The following TMED1 variants were observed in gnomAD, a reference collection of about 807,000 sequenced individuals.
The protein encoded by TMED1 is transmembrane emp24 domain-containing protein 1.
In TMED1, 20 loss-of-function variants were observed where a neutral mutation model predicts 21.2. That is an observed-to-expected ratio of 0.95 (90% CI 0.67 to 1.37). TMED1 has a LOEUF of 1.37. TMED1 is among the 40% of genes most tolerant of loss of function. The pLI, the probability that TMED1 is intolerant of heterozygous loss-of-function variation, is 0.00. For synonymous variants in TMED1, 149 were observed against 134.7 expected (o/e 1.11, Z -0.74); for missense variants, 316 against 309.8 (o/e 1.02, Z -0.15).
rs1013020800 is a variant in TMED1, at chr19:10,832,773, G to A, written c.*222C>T. The A allele has an allele frequency of 2.6e-5, 16 of 609,478 alleles. No homozygotes were observed. Among genetic ancestry groups the A allele is most frequent in the Non-Finnish European group, 4.3e-5 (15 of 345,826 alleles). The allele number at this position is 609,478 out of a possible 1,614,324, so 37.8% of individuals were successfully genotyped here. A position where few individuals can be genotyped will look rare whatever the true frequency, so the allele number is the denominator to read the frequency against. ...CAACGCTGCAGTGCCCACCATGTGA[G>A]ATTTCCAGGACCGTCGGTGCAGCCA... On this transcript the variant is annotated 3_prime_UTR_variant, in exon 4 of 4. Coordinates refer to ENST00000214869, the MANE Select transcript of TMED1 (RefSeq NM_006858.4).
In TMED1 at chr19:10,835,030, C is replaced by G; in HGVS notation, c.369G>C (p.Leu123=). 1 of 1,614,214 alleles carries G rather than the reference C, an allele frequency of 6.2e-7. No homozygotes were observed. The highest frequency in any genetic ancestry group is 8.5e-7 in the Non-Finnish European group (1 of 1,180,028). ...CGTCATCCTGGAGGCTGTCAAAGAT[C>G]AGTTCAAAGAACACCAGCTTCTCGG... ...TISEKLVFFE[L]IFDSLQDDEE... Residue 123 remains leucine (L), a synonymous_variant, in exon 3 of 4, where the codon CTG becomes CTC. Coordinates refer to ENST00000214869, the MANE Select transcript of TMED1 (RefSeq NM_006858.4).
Position 10,832,500 on chromosome 19 carries a change from G to A in TMED1, c.*495C>T, listed in dbSNP as rs2073370340. Reference sequence around the variant, plus strand: ...GGCCACACCACCCTTTGTTATAGGAGGCTTCTGCCTAGACTTTGGCCGGGC... The same window carrying A: ...GGCCACACCACCCTTTGTTATAGGAAGCTTCTGCCTAGACTTTGGCCGGGC... On this transcript the variant is annotated 3_prime_UTR_variant, in exon 4 of 4. Coordinates refer to ENST00000214869, the MANE Select transcript of TMED1 (RefSeq NM_006858.4). The A allele has an allele frequency of 6.5e-5, 44 of 671,876 alleles. 1 individual carries two copies. The South Asian group carries it at 7.2e-4, about 11-fold the overall frequency. The allele number at this position is 671,876 out of a possible 1,614,324, so 41.6% of individuals were successfully genotyped here. A position where few individuals can be genotyped will look rare whatever the true frequency, so the allele number is the denominator to read the frequency against.
chr19:10,835,681 G>A (rs1435123373), intron 1 of TMED1: 3 of 1,399,096 alleles, frequency 2.1e-6, no homozygotes, highest in Non-Finnish European at 2.8e-6. Flanking sequence ...CCCGAGAAAG[G>A]CCTGTGTGGG....
rs1320051326 is a variant in TMED1, at chr19:10,832,297, G to A, written c.*698C>T. On this transcript the variant is annotated 3_prime_UTR_variant, in exon 4 of 4. Transcript: ENST00000214869. ...AACTTTGCTTTCTGATTTTTCTCTT[G>A]TGCCAGGCGACCACCTCCATCGGCT... 3.1e-6 allele frequency: 4 copies of A among 1,289,662 alleles called. No individual in the cohort carries two copies. The highest frequency in any genetic ancestry group is 5.6e-5 in the East Asian group (1 of 18,008). 79.9% of individuals were successfully genotyped at this position (1,289,662 alleles called of 1,614,324 possible). A position where few individuals can be genotyped will look rare whatever the true frequency, so the allele number is the denominator to read the frequency against.
In TMED1 at chr19:10,832,508, C is replaced by T. The variant is rs2073370433; in HGVS notation, c.*487G>A. On this transcript the variant is annotated 3_prime_UTR_variant, in exon 4 of 4. Transcript: ENST00000214869. Reference sequence around the variant, plus strand: ...CACCCTTTGTTATAGGAGGCTTCTGCCTAGACTTTGGCCGGGCCATCCCTC... The same window carrying T: ...CACCCTTTGTTATAGGAGGCTTCTGTCTAGACTTTGGCCGGGCCATCCCTC... The T allele has an allele frequency of 3.1e-6, 2 of 638,304 alleles. No homozygotes were observed. The highest frequency in any genetic ancestry group is 3.6e-5 in the South Asian group (2 of 55,482). 39.5% of individuals were successfully genotyped at this position (638,304 alleles called of 1,614,324 possible).
intron 1 of TMED1, 63 bp from the exon 2 acceptor site, chr19:10,835,416 G>A (rs955067252): frequency 6.3e-6 from 10 of 1,598,094 alleles, no homozygotes; most frequent in Non-Finnish European, 8.5e-6. Flanking sequence ...GCCGAAGAGG[G>A]CTACGGCTGA....
At chr19:10,834,153 T>G (rs1189280377) in intron 3 of TMED1, among the ~76,000 whole-genome samples, 9 of 152,142 alleles carry the variant, frequency 5.9e-5, no homozygotes, top group African/African-American at 1.9e-4. Flanking sequence ...AAGAGAGATC[T>G]GTTAGAAAAT....
intron 3 of TMED1, among the ~76,000 whole-genome samples, chr19:10,834,436 A>T (rs891644700): frequency 2.3e-4 from 34 of 149,620 alleles, no homozygotes; most frequent in African/African-American, 7.9e-4. Flanking sequence ...ACCAGGGTTT[A>T]TACCTAGAAA....
chr19:10,833,006 C>G lies in TMED1; in HGVS notation c.673G>C (p.Val225Leu). The change falls in exon 4 of 4, where the codon GTG becomes CTG. Residue 225 changes from valine (V) to leucine (L), a missense_variant. Coordinates refer to ENST00000214869, the MANE Select transcript of TMED1 (RefSeq NM_006858.4). The stretch of plus-strand genomic sequence containing the variant: ...TTCCATGGCAGGGGCTACGTGGGCA[C>G]CGGGCGCTTGTCCTGGAAGAAGCGC... The part of the protein sequence containing the change: ...LKRFFQDKRP[V>L]PT The G allele has an allele frequency of 1.2e-6, 2 of 1,612,822 alleles. No homozygotes were observed. Among genetic ancestry groups the G allele is most frequent in the Non-Finnish European group, 1.7e-6 (2 of 1,180,002 alleles).
At chr19:10,835,182 G>T in intron 2 of TMED1, 65 bp from the exon 3 acceptor site, 1 of 1,611,970 alleles carries the variant, frequency 6.2e-7, no homozygotes, top group Admixed American at 1.7e-5. Context: ...GGGGCAGTCA[G>T]GGCGGTAACC....
In TMED1 at chr19:10,832,982, T is replaced by G. The variant is rs1179769928; in HGVS notation, c.*13A>C. The G allele has an allele frequency of 2.5e-6, 4 of 1,609,874 alleles. No homozygotes were observed. The highest frequency in any genetic ancestry group is 3.4e-6 in the Non-Finnish European group (4 of 1,179,510). On this transcript the variant is annotated 3_prime_UTR_variant, in exon 4 of 4. Coordinates refer to ENST00000214869, the MANE Select transcript of TMED1 (RefSeq NM_006858.4). ...GCCCCTCCTTTGTCCCGTTCTTCCTTCCATGGCAGGGGCTACGTGGGCACC... is the reference window on the plus strand; with the variant it reads ...GCCCCTCCTTTGTCCCGTTCTTCCTGCCATGGCAGGGGCTACGTGGGCACC...
In TMED1 at chr19:10,836,002, C is replaced by CCT; in HGVS notation, c.183+5_183+6dup. 6.3e-7 allele frequency: 1 copy of CCT among 1,583,602 alleles called. No individual in the cohort carries two copies. Among genetic ancestry groups the CCT allele is most frequent in the Non-Finnish European group, 8.6e-7 (1 of 1,165,676 alleles). On this transcript the variant is annotated splice_region_variant and intron_variant, in intron 1 of 3. Coordinates refer to ENST00000214869, the MANE Select transcript of TMED1 (RefSeq NM_006858.4). ...CTCTGCTGGCCGCCCAGCCCGCGAC[C>CCT]CTCTACCTGGTATTCGGTCTCGAGG...
rs999057183 is a variant in TMED1, at chr19:10,832,790, G to T, written c.*205C>A. 2.9e-5 allele frequency: 18 copies of T among 621,382 alleles called. No homozygotes were observed. The highest frequency in any genetic ancestry group is 4.8e-5 in the Non-Finnish European group (17 of 355,856). The allele number at this position is 621,382 out of a possible 1,614,324, so 38.5% of individuals were successfully genotyped here. A position where few individuals can be genotyped will look rare whatever the true frequency, so the allele number is the denominator to read the frequency against. ...CCATGTGAGATTTCCAGGACCGTCG[G>T]TGCAGCCACTGAGCCGTCCCTTCTA... On this transcript the variant is annotated 3_prime_UTR_variant, in exon 4 of 4. Coordinates refer to ENST00000214869, the MANE Select transcript of TMED1 (RefSeq NM_006858.4).
rs1172527028 is a variant in TMED1, at chr19:10,835,356, G to T, written c.184-3C>A. 4 of 1,613,336 alleles carry T rather than the reference G, an allele frequency of 2.5e-6. No homozygotes were observed. The highest frequency in any genetic ancestry group is 3.4e-6 in the Non-Finnish European group (4 of 1,179,828). ...TCCAGTCCAGCACCTCCGATCACCT[G>T]GGGGGCAGGTAAGAGCGGGTGGAGG... is the stretch of plus-strand genomic sequence containing the variant. On this transcript the variant is annotated splice_region_variant and splice_polypyrimidine_tract_variant and intron_variant, in intron 1 of 3. Coordinates refer to ENST00000214869, the MANE Select transcript of TMED1 (RefSeq NM_006858.4).
In TMED1 at chr19:10,832,246, C is replaced by G. The variant is rs969026352; in HGVS notation, c.*749G>C. 2 of 1,279,576 alleles carry G rather than the reference C, an allele frequency of 1.6e-6. No homozygotes were observed. Among genetic ancestry groups the G allele is most frequent in the African/African-American group, 3.0e-5 (2 of 65,646 alleles). 79.3% of individuals were successfully genotyped at this position (1,279,576 alleles called of 1,614,324 possible). On this transcript the variant is annotated 3_prime_UTR_variant, in exon 4 of 4. Transcript: ENST00000214869. ...TCTCACCTCGTGGGGAAGCCCAAGC[C>G]TCGTGGCCCAACTGGGGCTCAGTTA... is the stretch of plus-strand genomic sequence containing the variant.
At chr19:10,833,373 C>T (rs930911566) in intron 3 of TMED1, 160 bp from the exon 4 acceptor site, 1 of 630,766 alleles carries the variant, frequency 1.6e-6, no homozygotes, top group Middle Eastern at 4.2e-4. Flanking sequence ...CACCCTGCCA[C>T]TCACTGGCTG....
chr19:10,835,815 G>A (rs893984935), intron 1 of TMED1, 194 bp downstream of exon 1: 4 of 977,792 alleles, frequency 4.1e-6, no homozygotes, highest in African/African-American at 1.8e-5. Flanking sequence ...CTCTAGCCCC[G>A]CCTGCTTCAT....
chr19:10,835,586 A>G, intron 1 of TMED1: 2 of 1,424,050 alleles, frequency 1.4e-6, no homozygotes, highest in Non-Finnish European at 1.8e-6. Flanking sequence ...TACCAAAAGT[A>G]CTTAATGGAC....
intron 3 of TMED1, among the ~76,000 whole-genome samples, chr19:10,834,363 C>T (rs2073398337): frequency 6.6e-6 from 1 of 151,628 alleles, no homozygotes; most frequent in African/African-American, 2.4e-5. Context: ...GGGTCTGCTT[C>T]ACAAGGTGGT....
Sources: allele counts gnomAD v4.1 joint callset (sites outside exome capture counted in the v4.1 genomes callset), GRCh38; gene constraint gnomAD v4.1.1; transcripts MANE v1.5; gene names NCBI Gene and HGNC (gene_info 2026-07-23, HGNC 2026-07-21).